Variants in AFF2 observed in about 807,000 individuals in gnomAD.
AFF2 encodes the protein AF4/FMR2 family member 2.
AFF2 carries 14 observed loss-of-function variants against 76.9 expected under a neutral mutation model. That is an observed-to-expected ratio of 0.18 (90% confidence interval 0.12 to 0.28). AFF2 has a LOEUF of 0.28. Ranked by LOEUF, AFF2 falls within the 10% of genes least tolerant of loss-of-function variation. The probability of loss-of-function intolerance (pLI) is 1.00; values close to 1 mark genes in which losing one functional copy is unlikely to be tolerated. For missense variants in AFF2, 868 were observed against 1,001.1 expected (o/e 0.87, Z 1.79); for synonymous variants, 398 against 366.7 (o/e 1.09, Z -0.98).
At chrX:148,510,916 G>C (rs1339825462) in intron 1 of AFF2, among the ~76,000 whole-genome samples, 1 of 112,261 alleles carries the variant, frequency 8.9e-6, no homozygotes, top group Non-Finnish European at 1.9e-5. Flanking sequence ...AGCTCAAGAG[G>C]TGTAAGAATG....
In AFF2 at chrX:148,995,507, G is replaced by A. The variant is rs2072587982; in HGVS notation, c.*4175G>A. On this transcript the variant is annotated 3_prime_UTR_variant, in exon 21 of 21. Transcript: ENST00000370460. ...GGTGGGGGCGGGGGGGTGGGGGGTG[G>A]GGAAGCCCCACAAAGCCAGATTGCA... The A allele has an allele frequency of 9.5e-6, 1 of 105,157 alleles. No homozygotes were observed. The highest frequency in any genetic ancestry group is 3.5e-5 in the African/African-American group (1 of 28,477). The allele number at this position is 105,157 out of a possible 1,213,427, so 8.7% of individuals were successfully genotyped here.
intron 1 of AFF2, among the ~76,000 whole-genome samples, chrX:148,568,585 A>T (rs1557242060): frequency 8.9e-6 from 1 of 112,122 alleles, no homozygotes; most frequent in Non-Finnish European, 1.9e-5. Context: ...ATGCCCCAGA[A>T]GGTAAGAGAA....
chrX:148,627,566 A>G (rs1557252281), intron 1 of AFF2, among the ~76,000 whole-genome samples: 1 of 112,119 alleles, frequency 8.9e-6, no homozygotes, highest in Non-Finnish European at 1.9e-5. Context: ...TTATAAGAGA[A>G]AGGTAATGAA....
intron 1 of AFF2, among the ~76,000 whole-genome samples, chrX:148,624,530 TTATG>T (rs1227838049): frequency 8.9e-6 from 1 of 112,382 alleles, no homozygotes; most frequent in African/African-American, 3.2e-5. Flanking sequence ...TATTTTTTCT[TTATG>T]TATAGATATA....
chrX:148,844,712 G>T (rs1301649855), intron 7 of AFF2, among the ~76,000 whole-genome samples: 1 of 111,443 alleles, frequency 9.0e-6, no homozygotes, highest in African/African-American at 3.3e-5. Context: ...CAAATAGACT[G>T]AGGATTTGAG....
At chrX:148,983,122 T>C (rs1476554555) in intron 19 of AFF2, among the ~76,000 whole-genome samples, 1 of 111,974 alleles carries the variant, frequency 8.9e-6, no homozygotes, top group Non-Finnish European at 1.9e-5. Context: ...AAACACAAGA[T>C]GGGCCAGATT....
At chrX:148,820,124 G>A (rs2070310782) in intron 4 of AFF2, among the ~76,000 whole-genome samples, 1 of 111,270 alleles carries the variant, frequency 9.0e-6, no homozygotes, top group Admixed American at 9.6e-5. Flanking sequence ...CTTTCCATAT[G>A]AATTTTAGAT....
At chrX:148,869,849 A>G (rs782006021) in intron 7 of AFF2, among the ~76,000 whole-genome samples, 1 of 111,188 alleles carries the variant, frequency 9.0e-6, no homozygotes, top group Non-Finnish European at 1.9e-5. Context: ...TCTCTCCCTG[A>G]GTCTCTTCAC....
intron 4 of AFF2, among the ~76,000 whole-genome samples, chrX:148,826,781 A>T (rs782524800): frequency 2.9e-5 from 1 of 34,162 alleles, no homozygotes; most frequent in Non-Finnish European, 1.7e-4. Context: ...GAATCTGGGG[A>T]GAGGAGTCCA....
intron 9 of AFF2, among the ~76,000 whole-genome samples, chrX:148,939,192 T>C (rs1200614809): frequency 9.0e-6 from 1 of 111,484 alleles, no homozygotes; most frequent in African/African-American, 3.3e-5. Context: ...ACTGAATATA[T>C]AAAAACGATC....
intron 1 of AFF2, among the ~76,000 whole-genome samples, chrX:148,581,193 ATATACG>A (rs1258075559): frequency 7.0e-5 from 4 of 57,260 alleles, no homozygotes; most frequent in African/African-American, 2.7e-4. Context: ...ACACATATAC[ATATACG>A]TATACGTATA....
rs782625275 is a variant in AFF2 at position 148,651,994 on chromosome X, A to G, written c.48-5A>G. 19 of 1,161,734 alleles carry G rather than the reference A, an allele frequency of 1.6e-5. No individual in the cohort carries two copies. The African/African-American group carries it at 3.1e-4, about 19-fold the overall frequency. The stretch of plus-strand genomic sequence containing the variant: ...TCTCTTTTTGTCTTTTCCTTTTCAT[A>G]TCAGTCACTATGAACAAGACCGTAG... On this transcript the variant is annotated splice_region_variant and splice_polypyrimidine_tract_variant and intron_variant, in intron 1 of 20. Transcript: ENST00000370460.
At chrX:148,508,770 C>T (rs569813126) in intron 1 of AFF2, among the ~76,000 whole-genome samples, 2 of 111,600 alleles carry the variant, frequency 1.8e-5, no homozygotes, top group Non-Finnish European at 1.9e-5. Flanking sequence ...GATGAAGTGC[C>T]GTGGAGAGGT....
chrX:148,850,760 A>G (rs905662122), intron 7 of AFF2, among the ~76,000 whole-genome samples: 1 of 112,636 alleles, frequency 8.9e-6, no homozygotes, highest in Non-Finnish European at 1.9e-5. Flanking sequence ...TAGATAGCCA[A>G]TTGAAAAGAA....
At chrX:148,964,149 T>C (rs1557288413) in intron 13 of AFF2, among the ~76,000 whole-genome samples, 1 of 112,352 alleles carries the variant, frequency 8.9e-6, no homozygotes, top group Non-Finnish European at 1.9e-5. Context: ...CTGAGGGCAC[T>C]GGGCTGTGGG....
At chrX:148,623,661 G>A (rs1187987340) in intron 1 of AFF2, among the ~76,000 whole-genome samples, 1 of 107,335 alleles carries the variant, frequency 9.3e-6, no homozygotes, top group African/African-American at 3.4e-5. Flanking sequence ...AATCATATGA[G>A]GAACAAGAAG....
At chrX:148,920,635 T>C (rs199814877) in intron 9 of AFF2, among the ~76,000 whole-genome samples, 10 of 102,050 alleles carry the variant, frequency 9.8e-5, no homozygotes, top group African/African-American at 4.2e-4. Flanking sequence ...TGTGTGCGCG[T>C]GTGTGTGTGT....
At chrX:148,547,838 A>T (rs185608830) in intron 1 of AFF2, among the ~76,000 whole-genome samples, 4 of 111,689 alleles carry the variant, frequency 3.6e-5, no homozygotes, top group Non-Finnish European at 7.5e-5. Context: ...ACAAAGAAAA[A>T]GTCCTTCCTA....
rs1222296043 is a variant in AFF2, at chrX:148,997,331, T to C, written c.*5999T>C. On this transcript the variant is annotated 3_prime_UTR_variant, in exon 21 of 21. Coordinates refer to ENST00000370460, the MANE Select transcript of AFF2 (RefSeq NM_002025.4). Reference sequence around the variant, plus strand: ...CACACACACATACACTTTTTAAATTTTTAAATTAGGCCTCCACACATAAAT... The same window carrying C: ...CACACACACATACACTTTTTAAATTCTTAAATTAGGCCTCCACACATAAAT... The C allele has an allele frequency of 9.0e-6, 1 of 111,122 alleles. No homozygotes were observed. Among genetic ancestry groups the C allele is most frequent in the Non-Finnish European group, 1.9e-5 (1 of 53,102 alleles). 9.2% of individuals were successfully genotyped at this position (111,122 alleles called of 1,213,427 possible).
Sources: allele counts gnomAD v4.1 joint callset (sites outside exome capture counted in the v4.1 genomes callset), GRCh38; gene constraint gnomAD v4.1.1; transcripts MANE v1.5; gene names NCBI Gene and HGNC (gene_info 2026-07-23, HGNC 2026-07-21).